The following SYNE2 variants were observed in gnomAD, a reference collection of about 807,000 sequenced individuals.
The protein encoded by SYNE2 is nesprin-2.
SYNE2 carries 431 observed loss-of-function variants against 856.3 expected under a neutral mutation model. The observed-to-expected ratio is 0.50, with a 90% CI of 0.47 to 0.55. SYNE2 has a LOEUF of 0.55. Ranked by LOEUF, SYNE2 falls within the 20% of genes least tolerant of loss-of-function variation. The pLI is 0.00. For missense variants in SYNE2, 8,129 were observed against 8,023.2 expected, an observed-to-expected ratio of 1.01 and a Z score of -0.50; for synonymous variants, 2,923 against 2,872.3, an observed-to-expected ratio of 1.02 and a Z score of -0.56.
chr14:64,076,330 C>A (rs2097459023), intron 54 of SYNE2, among the ~76,000 whole-genome samples: 1 of 152,106 alleles, frequency 6.6e-6, no homozygotes. Flanking sequence ...AATGCTTATT[C>A]TTCTCTTGCA....
At chr14:63,783,708 TAA>T (rs1178100114) in intron 1 of SYNE2, among the ~76,000 whole-genome samples, 1 of 152,068 alleles carries the variant, frequency 6.6e-6, no homozygotes, top group Non-Finnish European at 1.5e-5. Flanking sequence ...AGTTCCAGAC[TAA>T]AAGAGACCAA....
intron 45 of SYNE2, among the ~76,000 whole-genome samples, chr14:64,043,403 C>T (rs111990654): frequency 1.6e-4 from 24 of 152,174 alleles, no homozygotes; most frequent in African/African-American, 5.3e-4. Flanking sequence ...AGTAACAAGC[C>T]GAATGTTAAT....
rs544815130 is a variant in SYNE2, at chr14:63,854,506, C to G, written c.-52+1363C>G. Among the ~76,000 whole-genome samples the G allele has an allele frequency of 2.0e-5, 3 of 152,330 alleles. No individual in the cohort carries two copies. In the South Asian group the frequency reaches 6.2e-4, roughly 32 times the overall value. ...GGCTTTTCCTGAGATAATTACTGAA[C>G]GGCTTTAGCCCGGCCAGCCCCCTGG... On this transcript the variant is annotated intron_variant, in intron 1 of 115. Coordinates refer to ENST00000555002, the MANE Select transcript of SYNE2 (RefSeq NM_182914.3).
intron 21 of SYNE2, among the ~76,000 whole-genome samples, chr14:63,992,376 A>C (rs775073727): frequency 2.0e-5 from 3 of 152,098 alleles, no homozygotes; most frequent in Non-Finnish European, 4.4e-5. Flanking sequence ...TCCTGGGCTC[A>C]AGCTATCCTC....
At chr14:64,210,273 C>T in intron 103 of SYNE2, 149 bp downstream of exon 103, 1 of 1,062,060 alleles carries the variant, frequency 9.4e-7, no homozygotes, top group South Asian at 1.7e-5. Flanking sequence ...CAAAGAAGCC[C>T]AAAGCTGCCA....
chr14:64,010,913 A>G (rs1307292732), intron 32 of SYNE2, among the ~76,000 whole-genome samples: 3 of 152,236 alleles, frequency 2.0e-5, no homozygotes, highest in Non-Finnish European at 4.4e-5. Flanking sequence ...TGCTGGGTTT[A>G]TAGGCATGAG....
rs1486518799 is a variant in SYNE2 at position 64,210,264 on chromosome 14, AAAG to A, written c.18723+144_18723+146del. ...AGCTGTTTTAACAGTCCTCCAACAC[AAAG>A]AAGCCCAAAGCTGCCAACGTTCGTT... On this transcript the variant is annotated intron_variant, in intron 103 of 115. Coordinates refer to ENST00000555002, the MANE Select transcript of SYNE2 (RefSeq NM_182914.3). The A allele has an allele frequency of 8.1e-6, 9 of 1,112,020 alleles. No homozygotes were observed. The East Asian group carries it at 2.3e-4, about 29-fold the overall frequency. 68.9% of individuals were successfully genotyped at this position (1,112,020 alleles called of 1,614,324 possible).
intron 13 of SYNE2, 40 bp from the exon 14 acceptor site, chr14:63,978,812 T>C (rs995304269): frequency 4.5e-6 from 7 of 1,565,698 alleles, no homozygotes; most frequent in African/African-American, 2.7e-5. Flanking sequence ...ATTTGGTCAA[T>C]AATATTAAGT....
intron 9 of SYNE2, among the ~76,000 whole-genome samples, chr14:63,962,520 A>G (rs1595899146): frequency 6.6e-6 from 1 of 152,278 alleles, no homozygotes; most frequent in South Asian, 2.1e-4. Context: ...CGGTTTGCCT[A>G]TTCTTTAGCT....
At chr14:64,073,915 A>T (rs2097434669) in intron 52 of SYNE2, 53 bp from the exon 53 acceptor site, 1 of 1,577,552 alleles carries the variant, frequency 6.3e-7, no homozygotes, top group Non-Finnish European at 8.7e-7. Context: ...GTTTCATTTT[A>T]TTCATAGAAG....
chr14:63,816,074 A>G (rs1190989374), intron 1 of SYNE2, among the ~76,000 whole-genome samples: 2 of 150,162 alleles, frequency 1.3e-5, no homozygotes, highest in African/African-American at 2.5e-5. Context: ...TCAGACTCCC[A>G]AGTAGATGGG....
rs540618925 is a variant in SYNE2, at chr14:64,170,292, C to T, written c.17065C>T (p.Arg5689Trp). 4.3e-6 allele frequency: 7 copies of T among 1,613,960 alleles called. No homozygotes were observed. The East Asian group carries it at 6.7e-5, about 15-fold the overall frequency. The stretch of plus-strand genomic sequence containing the variant: ...GTGGCAGAATGCTGTCCAGGGTGTT[C>T]GGCAGAGGAAGGGTGACGTTGATGG... ...DRWQNAVQGV[R>W]QRKGDVDGLV... Residue 5689 changes from arginine to tryptophan, a missense_variant, in exon 94 of 116, where the codon CGG (arginine) becomes TGG (tryptophan). Around this residue, in one of 3 missense-constraint regions of SYNE2, gnomAD observed 5,410 missense variants for 5,284.8 expected, o/e 1.02. Coordinates refer to ENST00000555002, the MANE Select transcript of SYNE2 (RefSeq NM_182914.3).
intron 8 of SYNE2, among the ~76,000 whole-genome samples, chr14:63,959,168 C>T (rs1377079703): frequency 1.3e-5 from 2 of 151,190 alleles, no homozygotes; most frequent in Admixed American, 1.3e-4. Flanking sequence ...GGTATTTAGC[C>T]TCTTTGGACT....
intron 2 of SYNE2, among the ~76,000 whole-genome samples, chr14:63,925,797 C>T (rs963244683): frequency 4.6e-5 from 7 of 152,176 alleles, no homozygotes; most frequent in Non-Finnish European, 1.0e-4. Context: ...TTTCACTTAA[C>T]GTAATTACCT....
At chr14:64,025,711 C>T (rs2153538653) in intron 41 of SYNE2, among the ~76,000 whole-genome samples, 1 of 152,232 alleles carries the variant, frequency 6.6e-6, no homozygotes, top group African/African-American at 2.4e-5. Context: ...ATCAGAGCTG[C>T]TAGTGGGAGG....
intron 47 of SYNE2, 50 bp from the exon 48 acceptor site, chr14:64,051,507 G>A (rs2097226426): frequency 6.6e-7 from 1 of 1,507,682 alleles, no homozygotes; most frequent in South Asian, 1.3e-5. Flanking sequence ...ACATTTTAAT[G>A]TAGAATAAGC....
chr14:64,089,281 G>T (rs894532510), intron 58 of SYNE2, among the ~76,000 whole-genome samples: 1 of 147,136 alleles, frequency 6.8e-6, no homozygotes, highest in Admixed American at 7.1e-5. Context: ...CAGGAGAATC[G>T]CTTGAACCTG....
rs2098660924 is a variant in SYNE2 at position 64,215,313 on chromosome 14, C to A, written c.19361C>A (p.Ala6454Glu). Residue 6454 changes from alanine (A) to glutamate (E), a missense_variant, in exon 107 of 116, where the codon GCA becomes GAA. Physicochemically the swap from Ala to Glu is moderately radical, Grantham distance 107. Around this residue, in one of 3 missense-constraint regions of SYNE2, gnomAD observed 5,410 missense variants for 5,284.8 expected, o/e 1.02. Coordinates refer to ENST00000555002, the MANE Select transcript of SYNE2 (RefSeq NM_182914.3). ...GTAGAAATCCCTGAAAATCCTGAGG[C>A]ATATCTTAAAATGACCACAAAAACT... ...SDVEIPENPE[A>E]YLKMTTKTLK... 1 of 1,614,024 alleles carries A rather than the reference C, an allele frequency of 6.2e-7. No individual in the cohort carries two copies. The highest frequency in any genetic ancestry group is 1.3e-5 in the African/African-American group (1 of 74,898).
In SYNE2 at chr14:64,190,244, A is replaced by C; in HGVS notation, c.18038+7A>C. 6.2e-7 allele frequency: 1 copy of C among 1,614,104 alleles called. No homozygotes were observed. On this transcript the variant is annotated splice_region_variant and intron_variant, in intron 99 of 115. Transcript: ENST00000555002. ...TTGATGTCATCGGATCAAGGTAAGAAATGGGCTAAAAATGATTACTCTCCA... is the reference window on the plus strand; with the variant it reads ...TTGATGTCATCGGATCAAGGTAAGACATGGGCTAAAAATGATTACTCTCCA...
Sources: gnomAD v4.1 joint callset for allele counts (sites outside exome capture counted in the v4.1 genomes callset) on GRCh38, gnomAD v4.1.1 for gene constraint, gnomAD v4.1.1 regional missense constraint, MANE v1.5 for transcripts, NCBI Gene and HGNC (gene_info 2026-07-23, HGNC 2026-07-21) for gene names.